The following KPNA3 variants were observed in gnomAD, a reference collection of about 807,000 sequenced individuals.
KPNA3 encodes the protein importin subunit alpha-4.
Under a neutral mutation model 73.8 loss-of-function variants are expected in KPNA3, and 13 were observed. That is an observed-to-expected ratio of 0.18 (90% CI 0.11 to 0.28). The LOEUF is 0.28. Ranked by LOEUF, KPNA3 falls within the 10% of genes least tolerant of loss-of-function variation. KPNA3 has a pLI of 1.00. For missense variants in KPNA3, 360 were observed against 618.1 expected (o/e 0.58, Z 4.43); for synonymous variants, 186 against 206.9 (o/e 0.90, Z 0.87).
Position 49,715,025 on chromosome 13 carries a change from G to T in KPNA3, c.772-4003C>A, listed in dbSNP as rs150117838. ...ATATAAGTTTTATTAATAGATTTAA[G>T]GAGAAAATAATAGAATTTTCTCTAC... On this transcript the variant is annotated intron_variant, in intron 10 of 16. Transcript: ENST00000261667. 9.3e-3 allele frequency among the ~76,000 whole-genome samples: 1,419 copies of T among 151,854 alleles called. 18 individuals are homozygous for T. The highest frequency in any genetic ancestry group is 0.032 in the African/African-American group (1,331 of 41,444).
chr13:49,761,191 G>C (rs571221354), intron 1 of KPNA3, among the ~76,000 whole-genome samples: 23 of 152,134 alleles, frequency 1.5e-4, no homozygotes, highest in Admixed American at 8.5e-4. Context: ...AAGTAGTAGA[G>C]AAGAGGGTCC....
chr13:49,714,981 A>T (rs994723697), intron 10 of KPNA3, among the ~76,000 whole-genome samples: 2 of 152,036 alleles, frequency 1.3e-5, no homozygotes, highest in Admixed American at 1.3e-4. Flanking sequence ...GGATGGTTCA[A>T]TTTTTAAAAA....
intron 12 of KPNA3, among the ~76,000 whole-genome samples, chr13:49,707,850 C>T (rs1954222189): frequency 6.6e-6 from 1 of 152,122 alleles, no homozygotes; most frequent in Non-Finnish European, 1.5e-5. Flanking sequence ...AAGAACCCAA[C>T]AGTCAAATTA....
chr13:49,724,011 A>G (rs1018030554), intron 7 of KPNA3, among the ~76,000 whole-genome samples: 1 of 152,144 alleles, frequency 6.6e-6, no homozygotes, highest in African/African-American at 2.4e-5. Flanking sequence ...AGATTTGCCT[A>G]TTCTGGACAT....
chr13:49,727,748 G>A (rs1277851214), intron 6 of KPNA3, among the ~76,000 whole-genome samples: 1 of 152,090 alleles, frequency 6.6e-6, no homozygotes, highest in African/African-American at 2.4e-5. Context: ...AGAGGGGTAA[G>A]GGGTAAGTCA....
chr13:49,748,299 T>C (rs919969584), intron 1 of KPNA3, among the ~76,000 whole-genome samples: 1 of 151,758 alleles, frequency 6.6e-6, no homozygotes, highest in Non-Finnish European at 1.5e-5. Flanking sequence ...ATAGATGTTT[T>C]GTATCAAAAG....
chr13:49,767,109 A>C (rs1954814868), intron 1 of KPNA3, among the ~76,000 whole-genome samples: 1 of 151,954 alleles, frequency 6.6e-6, no homozygotes, highest in Non-Finnish European at 1.5e-5. Context: ...ACCATGAAAT[A>C]ATTTAATACA....
chr13:49,709,227 C>A (rs1399048118), intron 12 of KPNA3, among the ~76,000 whole-genome samples: 1 of 151,624 alleles, frequency 6.6e-6, no homozygotes, highest in African/African-American at 2.4e-5. Flanking sequence ...ATGGTGAAAC[C>A]CCATCTCTAC....
intron 10 of KPNA3, among the ~76,000 whole-genome samples, chr13:49,714,740 CATG>C (rs1007600147): frequency 1.3e-5 from 2 of 151,974 alleles, no homozygotes; most frequent in African/African-American, 4.8e-5. Context: ...CTTAATACAT[CATG>C]ATTATAGCAC....
chr13:49,726,957 A>G (rs1594438209), intron 6 of KPNA3, among the ~76,000 whole-genome samples: 1 of 151,960 alleles, frequency 6.6e-6, no homozygotes, highest in Admixed American at 6.6e-5. Context: ...TGTCACAAAA[A>G]AGACATAAAG....
intron 1 of KPNA3, among the ~76,000 whole-genome samples, chr13:49,784,121 C>T (rs1158062320): frequency 6.6e-6 from 1 of 152,104 alleles, no homozygotes; most frequent in Non-Finnish European, 1.5e-5. Context: ...TGGTAGTGTG[C>T]ACCTGTAGTC....
chr13:49,736,735 G>A (rs903510686), intron 2 of KPNA3, among the ~76,000 whole-genome samples: 4 of 152,082 alleles, frequency 2.6e-5, no homozygotes, highest in Admixed American at 6.5e-5. Flanking sequence ...TTTATCACCT[G>A]TATAGATTCA....
intron 11 of KPNA3, 100 bp from the exon 12 acceptor site, chr13:49,709,800 A>G: frequency 9.7e-7 from 1 of 1,029,020 alleles, no homozygotes; most frequent in Admixed American, 2.6e-5. Context: ...CAAGGCATAA[A>G]TAACACTTAT....
At chr13:49,730,595 C>CTTAT (rs1044022513) in intron 6 of KPNA3, among the ~76,000 whole-genome samples, 1 of 132,308 alleles carries the variant, frequency 7.6e-6, no homozygotes, top group African/African-American at 2.8e-5. Flanking sequence ...TAGAATAGAA[C>CTTAT]TTATTTATTT....
chr13:49,722,244 G>C (rs1257001204), intron 8 of KPNA3, 120 bp from the exon 9 acceptor site: 2 of 756,294 alleles, frequency 2.6e-6, no homozygotes, highest in Non-Finnish European at 4.1e-6. Flanking sequence ...TTAGTCAAAG[G>C]CATCAAGTGT....
At chr13:49,710,364 C>T (rs139255001) in intron 11 of KPNA3, among the ~76,000 whole-genome samples, 5 of 152,188 alleles carry the variant, frequency 3.3e-5, no homozygotes, top group African/African-American at 1.2e-4. Context: ...TAAGTGCCTA[C>T]CCCTAATTAG....
In KPNA3 at chr13:49,710,909, A is replaced by T; in HGVS notation, c.885T>A (p.His295Gln). 7.4e-6 allele frequency: 12 copies of T among 1,613,234 alleles called. No homozygotes were observed. The highest frequency in any genetic ancestry group is 1.0e-5 in the Non-Finnish European group (12 of 1,179,756). Residue 295 changes from histidine to glutamine, a missense_variant, in exon 11 of 17, where the codon CAT (histidine) becomes CAA (glutamine). His to Gln is a conservative substitution (Grantham distance 24, BLOSUM62 0). Around this residue, in one of 3 missense-constraint regions of KPNA3, gnomAD observed 287 missense variants for 549.1 expected, o/e 0.52. Transcript: ENST00000261667. ...TACTTACTTGAACTTTGACTTCCTG[A>T]TGGCTCAGAAGGGGCACAAGAAAGG... is the stretch of plus-strand genomic sequence containing the variant. ...VVPFLVPLLS[H>Q]QEVKVQTAAL...
intron 6 of KPNA3, among the ~76,000 whole-genome samples, chr13:49,726,770 C>G (rs1397580728): frequency 1.3e-5 from 2 of 151,410 alleles, no homozygotes; most frequent in African/African-American, 4.9e-5. Flanking sequence ...CGGTGAGACC[C>G]CATTTTTACA....
intron 10 of KPNA3, 77 bp downstream of exon 10, chr13:49,719,698 T>A: frequency 4.3e-6 from 4 of 935,712 alleles, no homozygotes; most frequent in Non-Finnish European, 6.9e-6. Context: ...TGATAAAATG[T>A]ATGCTGACAC....
Sources: allele counts gnomAD v4.1 joint callset (sites outside exome capture counted in the v4.1 genomes callset), GRCh38; gene constraint gnomAD v4.1.1; regional missense constraint gnomAD v4.1.1; transcripts MANE v1.5; gene names NCBI Gene and HGNC (gene_info 2026-07-23, HGNC 2026-07-21).